The following FAM234A variants were observed in gnomAD, a reference collection of about 807,000 sequenced individuals.
FAM234A encodes family with sequence similarity 234 member A.
A neutral mutation model predicts 49.1 loss-of-function variants in FAM234A; 42 were observed. That is an observed-to-expected ratio of 0.86 (90% confidence interval 0.67 to 1.11). The LOEUF is 1.11. Among genes scored for constraint, FAM234A ranks in the 50% least tolerant of loss-of-function variants. The pLI, the probability that FAM234A is intolerant of heterozygous loss-of-function variation, is 0.00. For missense variants in FAM234A, 815 were observed against 745.2 expected (o/e 1.09, Z -1.09); for synonymous variants, 369 against 316.2 (o/e 1.17, Z -1.77).
chr16:268,414 CGA>C (rs2051768545), downstream of FAM234A: 1 of 337,552 alleles, frequency 3.0e-6, no homozygotes, highest in South Asian at 3.2e-5. Context: ...GCCCTACCGC[CGA>C]GAGAGTTGAA....
intron 3 of FAM234A, among the ~76,000 whole-genome samples, chr16:258,889 T>A (rs764883709): frequency 6.6e-6 from 1 of 152,158 alleles, no homozygotes; most frequent in Non-Finnish European, 1.5e-5. Context: ...TTCAAACGAT[T>A]CTTGTGCCTC....
intron 1 of FAM234A, among the ~76,000 whole-genome samples, chr16:236,646 C>A (rs1355691620): frequency 2.0e-5 from 3 of 150,724 alleles, no homozygotes; most frequent in African/African-American, 7.3e-5. Flanking sequence ...GTGGCTCACG[C>A]CTGTAATCCC....
chr16:252,185 GT>G (rs35208632), intron 2 of FAM234A, among the ~76,000 whole-genome samples: 31,457 of 119,620 alleles, frequency 0.26, 5,174 homozygotes, highest in African/African-American at 0.54. Flanking sequence ...TCTGTTTTTT[GT>G]TTTTTTTTTT....
chr16:243,971 GA>G (rs2050703995), intron 1 of FAM234A, among the ~76,000 whole-genome samples: 1 of 149,734 alleles, frequency 6.7e-6, no homozygotes, highest in African/African-American at 2.4e-5. Flanking sequence ...AAAGGAAAAT[GA>G]TTTTTTTTTT....
chr16:237,569 G>A (rs1235684679), intron 1 of FAM234A, among the ~76,000 whole-genome samples: 1 of 152,122 alleles, frequency 6.6e-6, no homozygotes, highest in Non-Finnish European at 1.5e-5. Context: ...GTTCCCTCTT[G>A]GCTGGTGGCA....
chr16:250,893 C>T (rs939580956), intron 2 of FAM234A, among the ~76,000 whole-genome samples: 3 of 152,188 alleles, frequency 2.0e-5, no homozygotes, highest in African/African-American at 4.8e-5. Flanking sequence ...CACACCACTG[C>T]ATTATGGTGT....
intron 3 of FAM234A, among the ~76,000 whole-genome samples, chr16:256,751 T>TA (rs1177340633): frequency 6.7e-6 from 1 of 149,900 alleles, no homozygotes; most frequent in Admixed American, 6.7e-5. Context: ...TTTTTTTTTT[T>TA]TTTTTTTTGA....
Position 263,272 on chromosome 16 carries a change from G to A in FAM234A, c.982G>A (p.Val328Met), listed in dbSNP as rs1177315534. 1.9e-6 allele frequency: 3 copies of A among 1,612,652 alleles called. No homozygotes were observed. The highest frequency in any genetic ancestry group is 2.5e-6 in the Non-Finnish European group (3 of 1,179,998). The change falls in exon 9 of 13, where the codon GTG becomes ATG. Residue 328 changes from valine (V) to methionine (M), a missense_variant. Physicochemically the swap from Val to Met is conservative, Grantham distance 21. Coordinates refer to ENST00000399932, the MANE Select transcript of FAM234A (RefSeq NM_032039.4). ...CACTCTCCTGTCTAGCTCTGGAGCA[G>A]TGCGCTACCTGATGCATGTCCCAGG... ...RRMLSHSSGAVRYLMHVPGNA... is the reference protein window; with the variant it reads ...RRMLSHSSGAMRYLMHVPGNA...
intron 1 of FAM234A, among the ~76,000 whole-genome samples, chr16:245,743 C>G (rs2141214676): frequency 6.6e-6 from 1 of 152,212 alleles, no homozygotes; most frequent in East Asian, 1.9e-4. Context: ...TTCAAGCCAT[C>G]CTGGGCCGAG....
downstream of FAM234A, among the ~76,000 whole-genome samples, chr16:266,313 G>A (rs894317659): frequency 4.6e-5 from 7 of 152,318 alleles, no homozygotes; most frequent in East Asian, 1.9e-4. Context: ...GGGGGTCTCC[G>A]GTTTGAGGAC....
intron 2 of FAM234A, among the ~76,000 whole-genome samples, chr16:249,998 T>A (rs2050941330): frequency 6.6e-6 from 1 of 152,168 alleles, no homozygotes; most frequent in African/African-American, 2.4e-5. Flanking sequence ...CAGGCTGGAG[T>A]GCAGTGGCGC....
In FAM234A at chr16:264,518, G is replaced by A. The variant is rs1260806487; in HGVS notation, c.1345-96G>A. On this transcript the variant is annotated intron_variant, in intron 11 of 12. Coordinates refer to ENST00000399932, the MANE Select transcript of FAM234A (RefSeq NM_032039.4). ...TTGGGGGACCCAGATAGGGCCCCTA[G>A]CAGACATAGAGCTCCAGGCACGGTC... 1.1e-5 allele frequency: 10 copies of A among 918,874 alleles called. No homozygotes were observed. The Admixed American group carries it at 2.0e-4, about 18-fold the overall frequency. 56.9% of individuals were successfully genotyped at this position (918,874 alleles called of 1,614,324 possible).
chr16:256,498 T>A (rs755306885), intron 3 of FAM234A, among the ~76,000 whole-genome samples: 12 of 152,172 alleles, frequency 7.9e-5, no homozygotes, highest in Non-Finnish European at 1.5e-4. Flanking sequence ...TTCTTGCATC[T>A]TCTTTGGTGA....
At chr16:268,931 G>C (rs1374415945), downstream of FAM234A, 2 of 1,550,506 alleles carry the variant, frequency 1.3e-6, no homozygotes, top group Non-Finnish European at 1.7e-6. Flanking sequence ...TTAGAGATGG[G>C]GATGGGCACC....
intron 1 of FAM234A, among the ~76,000 whole-genome samples, chr16:236,603 C>T (rs930980007): frequency 2.8e-4 from 41 of 145,798 alleles, no homozygotes; most frequent in Middle Eastern, 3.8e-3. Flanking sequence ...GGAGACATAG[C>T]GAGACTGTCT....
At chr16:261,997 C>G (rs1401045151) in intron 6 of FAM234A, 96 bp from the exon 7 acceptor site, 1 of 938,936 alleles carries the variant, frequency 1.1e-6, no homozygotes, top group Non-Finnish European at 1.4e-6. Context: ...TGTGTCATTG[C>G]AGCCCCAGGC....
intron 5 of FAM234A, 90 bp from the exon 6 acceptor site, chr16:261,294 A>C: frequency 6.7e-7 from 1 of 1,486,352 alleles, no homozygotes; most frequent in East Asian, 2.3e-5. Context: ...ATGCCTCAAC[A>C]GGAGCCTGCC....
chr16:243,517 C>T (rs990150966), intron 1 of FAM234A, among the ~76,000 whole-genome samples: 1 of 152,186 alleles, frequency 6.6e-6, no homozygotes, highest in African/African-American at 2.4e-5. Context: ...ACATTGGTAT[C>T]TTCTTGCTGT....
In FAM234A at chr16:260,143, C is replaced by T. The variant is rs753078221; in HGVS notation, c.560C>T (p.Ala187Val). 5.6e-6 allele frequency: 9 copies of T among 1,613,620 alleles called. No homozygotes were observed. The Admixed American group carries it at 1.3e-4, about 24-fold the overall frequency. The stretch of plus-strand genomic sequence containing the variant: ...GTGGGCAGACCCAGTTCTTTCATTG[C>T]AGTCAACTTGTTCACAGGTAGGCCA... ...ILVGRPSSFI[A>V]VNLFTGETLW... The change falls in exon 5 of 13, where the codon GCA becomes GTA. Residue 187 changes from alanine (A) to valine (V), a missense_variant. Transcript: ENST00000399932.
Sources: gnomAD v4.1 joint callset for allele counts (sites outside exome capture counted in the v4.1 genomes callset) on GRCh38, gnomAD v4.1.1 for gene constraint, MANE v1.5 for transcripts, NCBI Gene and HGNC (gene_info 2026-07-23, HGNC 2026-07-21) for gene names.